The following TMEM63C variants were observed in gnomAD, a reference collection of about 807,000 sequenced individuals.
TMEM63C encodes the protein osmosensitive cation channel TMEM63C.
Under a neutral mutation model 99.2 loss-of-function variants are expected in TMEM63C, and 32 were observed. That is an observed-to-expected ratio of 0.32 (90% CI 0.24 to 0.43). The LOEUF is 0.43. Among genes scored for constraint, TMEM63C ranks in the 20% least tolerant of loss-of-function variants. The pLI, the probability that TMEM63C is intolerant of heterozygous loss-of-function variation, is 1.00. For missense variants in TMEM63C, 826 were observed against 1,053.0 expected (o/e 0.78, Z 2.98); for synonymous variants, 376 against 397.9 (o/e 0.94, Z 0.66).
rs767725907 is a variant in TMEM63C, at chr14:77,240,602, C to G, written c.1058C>G (p.Ala353Gly). Reference sequence around the variant, plus strand: ...GTCACCTTCCAGGACTCCAGGATGGCCAAGCGGTGAGCACCAGGCAGGCGC... The same window carrying G: ...GTCACCTTCCAGGACTCCAGGATGGGCAAGCGGTGAGCACCAGGCAGGCGC... ...IFVTFQDSRM[A>G]KRVRKDYKYV... is the part of the protein sequence containing the mutation. Residue 353 changes from alanine (A) to glycine (G), a missense_variant, in exon 13 of 24, where the codon GCC becomes GGC. By Grantham distance (60) the Ala-to-Gly change is moderately conservative (BLOSUM62 0). Coordinates refer to ENST00000298351, the MANE Select transcript of TMEM63C (RefSeq NM_020431.4). 23 of 1,609,000 alleles carry G rather than the reference C, an allele frequency of 1.4e-5. No individual in the cohort carries two copies. Among genetic ancestry groups the G allele is most frequent in the Non-Finnish European group, 1.9e-5 (22 of 1,179,842 alleles).
At chr14:77,253,150 G>C (rs1055452462) in intron 22 of TMEM63C, among the ~76,000 whole-genome samples, 155 bp from the exon 23 acceptor site, 5 of 152,332 alleles carry the variant, frequency 3.3e-5, no homozygotes, top group Middle Eastern at 3.4e-3. Flanking sequence ...GTCCCCCTGG[G>C]TCTCAGTCTT....
Position 77,236,734 on chromosome 14 carries a change from T to C in TMEM63C, c.651+2T>C, listed in dbSNP as rs1361630149. The C allele has an allele frequency of 2.5e-6, 4 of 1,600,724 alleles. No individual in the cohort carries two copies. The Admixed American group carries it at 6.7e-5, about 27-fold the overall frequency. The stretch of plus-strand genomic sequence containing the variant: ...TTTGCACCCAGGAATAGCCAAAAGG[T>C]AAGTAGCCTACAAAGCTGCTTCCCA... On this transcript the variant is annotated splice_donor_variant, in intron 9 of 23. Transcript: ENST00000298351. LOFTEE classifies it high-confidence loss of function.
intron 1 of TMEM63C, among the ~76,000 whole-genome samples, chr14:77,184,002 G>A (rs117616297): frequency 1.3e-5 from 2 of 152,282 alleles, no homozygotes; most frequent in African/African-American, 2.4e-5. Flanking sequence ...TGCCTCTATC[G>A]GCAGGCACTC....
Position 77,252,030 on chromosome 14 carries a change from G to A in TMEM63C, c.2148+132G>A, listed in dbSNP as rs181225904. 471 of 782,084 alleles carry A rather than the reference G, an allele frequency of 6.0e-4. 14 individuals are homozygous for A. The Admixed American group carries it at 9.2e-3, about 15-fold the overall frequency. The allele number at this position is 782,084 out of a possible 1,614,324, so 48.4% of individuals were successfully genotyped here. A position where few individuals can be genotyped will look rare whatever the true frequency, so the allele number is the denominator to read the frequency against. ...TCTCGCCTTTGTCTCTGACTGTAGA[G>A]CGTGGAGCCCAGTGTGCATGCGTGC... On this transcript the variant is annotated intron_variant, in intron 22 of 23. Coordinates refer to ENST00000298351, the MANE Select transcript of TMEM63C (RefSeq NM_020431.4).
intron 9 of TMEM63C, among the ~76,000 whole-genome samples, chr14:77,237,542 G>A (rs780739192): frequency 6.6e-6 from 1 of 152,168 alleles, no homozygotes; most frequent in Non-Finnish European, 1.5e-5. Flanking sequence ...CTGGGAGCTG[G>A]TGTAGAGCAC....
At chr14:77,212,965 G>A (rs1433273331) in intron 1 of TMEM63C, among the ~76,000 whole-genome samples, 1 of 152,230 alleles carries the variant, frequency 6.6e-6, no homozygotes, top group Non-Finnish European at 1.5e-5. Context: ...AGGCTGGGAT[G>A]TGAACTCCCT....
At chr14:77,249,059 T>G (rs1428772812) in intron 20 of TMEM63C, among the ~76,000 whole-genome samples, 187 bp downstream of exon 20, 1 of 151,998 alleles carries the variant, frequency 6.6e-6, no homozygotes, top group African/African-American at 2.4e-5. Context: ...GGATGTTTGT[T>G]GAATGAACGC....
At chr14:77,191,538 C>CTTTTTTTT (rs71125542) in intron 1 of TMEM63C, among the ~76,000 whole-genome samples, 300 of 82,590 alleles carry the variant, frequency 3.6e-3, no homozygotes, top group East Asian at 5.2e-3. Context: ...TTTTCTTTTT[C>CTTTTTTTT]TTTTTTTTTT....
chr14:77,215,937 G>C (rs1249776257), intron 2 of TMEM63C, among the ~76,000 whole-genome samples: 2 of 152,184 alleles, frequency 1.3e-5, no homozygotes, highest in Non-Finnish European at 2.9e-5. Context: ...TTTGCCCACT[G>C]GCTCCAATTC....
At chr14:77,204,178 G>C (rs925100139) in intron 1 of TMEM63C, among the ~76,000 whole-genome samples, 2 of 152,190 alleles carry the variant, frequency 1.3e-5, no homozygotes, top group African/African-American at 4.8e-5. Flanking sequence ...GGTCAAACTG[G>C]ATCCCTCAGC....
chr14:77,191,087 C>T (rs1378778237), intron 1 of TMEM63C, among the ~76,000 whole-genome samples: 1 of 151,978 alleles, frequency 6.6e-6, no homozygotes, highest in Admixed American at 6.6e-5. Flanking sequence ...CAGACTTTAA[C>T]CTTTTAAATA....
In TMEM63C at chr14:77,248,892, T is replaced by C; in HGVS notation, c.1870+20T>C. 6.3e-7 allele frequency: 1 copy of C among 1,595,686 alleles called. No homozygotes were observed. Among genetic ancestry groups the C allele is most frequent in the Non-Finnish European group, 8.6e-7 (1 of 1,163,216 alleles). On this transcript the variant is annotated intron_variant, in intron 20 of 23. Transcript: ENST00000298351. ...CTTTTGGTGAGTCATCTCCAAGGCA[T>C]GCCCAAGGGCTGCACATCCGCAGAT...
intron 23 of TMEM63C, among the ~76,000 whole-genome samples, chr14:77,253,695 T>G (rs1289932485): frequency 6.6e-6 from 1 of 152,196 alleles, no homozygotes; most frequent in East Asian, 1.9e-4. Flanking sequence ...GGGGGCCTGC[T>G]GAGGATTGGC....
In TMEM63C at chr14:77,257,038, A is replaced by G. The variant is rs1047703470; in HGVS notation, c.*312A>G. 6.3e-6 allele frequency: 2 copies of G among 319,594 alleles called. No individual in the cohort carries two copies. Among genetic ancestry groups the G allele is most frequent in the African/African-American group, 4.2e-5 (2 of 47,408 alleles). The allele number at this position is 319,594 out of a possible 1,614,324, so 19.8% of individuals were successfully genotyped here. A position where few individuals can be genotyped will look rare whatever the true frequency, so the allele number is the denominator to read the frequency against. On this transcript the variant is annotated 3_prime_UTR_variant, in exon 24 of 24. Coordinates refer to ENST00000298351, the MANE Select transcript of TMEM63C (RefSeq NM_020431.4). ...ACGCTGGGGTCCCTTCCTGGGACCAAGATGGAGAAGGTGTTCCTAAGGGAG... is the reference window on the plus strand; with the variant it reads ...ACGCTGGGGTCCCTTCCTGGGACCAGGATGGAGAAGGTGTTCCTAAGGGAG...
chr14:77,258,114 G>A lies in TMEM63C; in HGVS notation c.*1388G>A, dbSNP rs1280515377. 3 of 152,730 alleles carry A rather than the reference G, an allele frequency of 2.0e-5. No individual in the cohort carries two copies. The highest frequency in any genetic ancestry group is 2.0e-4 in the Admixed American group (3 of 15,312). 9.5% of individuals were successfully genotyped at this position (152,730 alleles called of 1,614,324 possible). On this transcript the variant is annotated 3_prime_UTR_variant, in exon 24 of 24. Transcript: ENST00000298351. ...TCAGGACCACCGTGCAGCCCAGCCAGGGAGGACATGAGAAGGGCCAGTGGG... is the reference window on the plus strand; with the variant it reads ...TCAGGACCACCGTGCAGCCCAGCCAAGGAGGACATGAGAAGGGCCAGTGGG...
At chr14:77,232,299 T>C (rs551341747) in intron 7 of TMEM63C, among the ~76,000 whole-genome samples, 4 of 152,280 alleles carry the variant, frequency 2.6e-5, no homozygotes, top group Admixed American at 1.3e-4. Context: ...ATTTATTTAA[T>C]TTATTGAGAC....
chr14:77,218,654 G>C (rs142304566), intron 2 of TMEM63C, 147 bp from the exon 3 acceptor site: 30 of 676,372 alleles, frequency 4.4e-5, no homozygotes, highest in African/African-American at 4.1e-4. Flanking sequence ...GTGCCGTCTC[G>C]TGGGCTGGCC....
intron 4 of TMEM63C, 116 bp downstream of exon 4, chr14:77,219,693 G>A: frequency 9.1e-7 from 1 of 1,104,120 alleles, no homozygotes; most frequent in Non-Finnish European, 1.4e-6. Flanking sequence ...CCAGCAAGTG[G>A]CCTCTGCCCC....
chr14:77,220,783 C>A (rs879534664), intron 5 of TMEM63C, among the ~76,000 whole-genome samples: 30 of 151,434 alleles, frequency 2.0e-4, no homozygotes, highest in Admixed American at 1.9e-3. Flanking sequence ...GCCCTGAGAA[C>A]GTCCTCCCTC....
Sources: gnomAD v4.1 joint callset for allele counts (sites outside exome capture counted in the v4.1 genomes callset) on GRCh38, gnomAD v4.1.1 for gene constraint, MANE v1.5 for transcripts, NCBI Gene and HGNC (gene_info 2026-07-23, HGNC 2026-07-21) for gene names.